Variants in FAM184B observed in about 807,000 individuals in gnomAD.
FAM184B encodes family with sequence similarity 184 member B, also known as protein FAM184B.
In FAM184B, 111 loss-of-function variants were observed where a neutral mutation model predicts 135.9. The ratio of observed to expected loss-of-function variants is 0.82; its 90% CI spans 0.70 to 0.96. FAM184B has a LOEUF of 0.96. FAM184B is among the 40% of genes least tolerant of loss of function. FAM184B has a pLI of 0.00. For synonymous variants in FAM184B, 552 were observed against 524.8 expected (o/e 1.05, Z -0.71); for missense variants, 1,375 against 1,323.9 (o/e 1.04, Z -0.60).
intron 1 of FAM184B, among the ~76,000 whole-genome samples, chr4:17,761,284 G>A (rs997504287): frequency 6.6e-6 from 1 of 152,016 alleles, no homozygotes; most frequent in Non-Finnish European, 1.5e-5. Flanking sequence ...CACAGGAAAG[G>A]CCATATGAGG....
Position 17,662,279 on chromosome 4 carries a change from G to C in FAM184B, c.1695-2192C>G, listed in dbSNP as rs370968313. On this transcript the variant is annotated intron_variant, in intron 8 of 17. Transcript: ENST00000265018. ...ACATTTGGATTGTTTACGCTTCTGGGCTATTATAAACAAAGCTGCTAGAAA... is the reference window on the plus strand; with the variant it reads ...ACATTTGGATTGTTTACGCTTCTGGCCTATTATAAACAAAGCTGCTAGAAA... Among the ~76,000 whole-genome samples, 14 of 152,126 alleles carry C rather than the reference G, an allele frequency of 9.2e-5. No homozygotes were observed. In the East Asian group the frequency reaches 1.5e-3, roughly 17 times the overall value.
At chr4:17,646,146 T>G (rs1715461565) in intron 12 of FAM184B, among the ~76,000 whole-genome samples, 1 of 152,198 alleles carries the variant, frequency 6.6e-6, no homozygotes, top group African/African-American at 2.4e-5. Flanking sequence ...GTAAACTGGT[T>G]CAACCATTGT....
In FAM184B at chr4:17,658,252, G is replaced by T. The variant is rs913018985; in HGVS notation, c.2037+98C>A. 4.8e-6 allele frequency: 5 copies of T among 1,038,112 alleles called. No individual in the cohort carries two copies. The African/African-American group carries it at 8.0e-5, about 17-fold the overall frequency. The allele number at this position is 1,038,112 out of a possible 1,614,324, so 64.3% of individuals were successfully genotyped here. A position where few individuals can be genotyped will look rare whatever the true frequency, so the allele number is the denominator to read the frequency against. On this transcript the variant is annotated intron_variant, in intron 10 of 17. Transcript: ENST00000265018. ...AATAACAATCTGGAAAGATGCTCGG[G>T]GGATTGGATGTCATGTAGAAAAGGG...
At chr4:17,691,187 C>G (rs769389494) in intron 6 of FAM184B, among the ~76,000 whole-genome samples, 1 of 152,112 alleles carries the variant, frequency 6.6e-6, no homozygotes, top group African/African-American at 2.4e-5. Context: ...GGGTTTGAAT[C>G]CCAGACCTGC....
chr4:17,762,052 C>T (rs1431384717), intron 1 of FAM184B, among the ~76,000 whole-genome samples: 2 of 146,638 alleles, frequency 1.4e-5, no homozygotes, highest in African/African-American at 5.5e-5. Context: ...TTGATATGTC[C>T]TTCTCTTCTC....
At chr4:17,646,726 T>C (rs1350793580) in intron 12 of FAM184B, among the ~76,000 whole-genome samples, 1 of 152,012 alleles carries the variant, frequency 6.6e-6, no homozygotes, top group Non-Finnish European at 1.5e-5. Flanking sequence ...ACTTAAAATA[T>C]AATAATAATA....
chr4:17,764,282 G>C (rs1414533099), intron 1 of FAM184B, among the ~76,000 whole-genome samples: 1 of 152,160 alleles, frequency 6.6e-6, no homozygotes, highest in Non-Finnish European at 1.5e-5. Context: ...TAAAACAGAA[G>C]GTTGTGTTTA....
chr4:17,646,720 A>G (rs1045758449), intron 12 of FAM184B, among the ~76,000 whole-genome samples: 3 of 151,114 alleles, frequency 2.0e-5, no homozygotes, highest in Non-Finnish European at 4.4e-5. Flanking sequence ...CCTAGAACTT[A>G]AAATATAATA....
chr4:17,691,830 AG>A (rs1212047336), intron 6 of FAM184B, among the ~76,000 whole-genome samples: 2 of 152,116 alleles, frequency 1.3e-5, no homozygotes, highest in Middle Eastern at 3.2e-3. Flanking sequence ...CAAGGCAGGC[AG>A]ATCACGAGGT....
At chr4:17,732,741 A>G (rs1450615333) in intron 1 of FAM184B, among the ~76,000 whole-genome samples, 4 of 152,160 alleles carry the variant, frequency 2.6e-5, no homozygotes, top group African/African-American at 4.8e-5. Context: ...ATTCACAGCC[A>G]AATTCTACCA....
At chr4:17,654,322 AATT>A (rs1011682839) in intron 10 of FAM184B, among the ~76,000 whole-genome samples, 1 of 151,930 alleles carries the variant, frequency 6.6e-6, no homozygotes, top group African/African-American at 2.4e-5. Flanking sequence ...AAGATATGGA[AATT>A]ATTATCCCCT....
chr4:17,739,480 A>T (rs1577284376), intron 1 of FAM184B, among the ~76,000 whole-genome samples: 1 of 150,872 alleles, frequency 6.6e-6, no homozygotes, highest in East Asian at 2.0e-4. Context: ...GAAGAGTTCT[A>T]AGCCAGGGCA....
At chr4:17,689,398 AC>A (rs1465676654) in intron 6 of FAM184B, among the ~76,000 whole-genome samples, 1 of 152,120 alleles carries the variant, frequency 6.6e-6, no homozygotes, top group Non-Finnish European at 1.5e-5. Flanking sequence ...TTTTCTAGAA[AC>A]CTTAATACTA....
chr4:17,729,217 C>T (rs921465300), intron 1 of FAM184B, among the ~76,000 whole-genome samples: 22 of 152,222 alleles, frequency 1.4e-4, no homozygotes, highest in African/African-American at 5.3e-4. Flanking sequence ...CCTGCCATTG[C>T]CCAGGCTTGA....
rs540878298 is a variant in FAM184B at position 17,732,993 on chromosome 4, C to G, written c.142-23349G>C. Among the ~76,000 whole-genome samples, 12 of 152,340 alleles carry G rather than the reference C, an allele frequency of 7.9e-5. No individual in the cohort carries two copies. The East Asian group carries it at 1.7e-3, about 22-fold the overall frequency. On this transcript the variant is annotated intron_variant, in intron 1 of 17. Transcript: ENST00000265018. The stretch of plus-strand genomic sequence containing the variant: ...CATCAAAAAGCTTATCCACCATGAT[C>G]AAGTGGGCTTCATTCCTGGGATGCA...
At chr4:17,721,406 A>AAAAAAAAAAAAAAAAGC (rs1560185395) in intron 1 of FAM184B, among the ~76,000 whole-genome samples, 1 of 143,300 alleles carries the variant, frequency 7.0e-6, no homozygotes, top group Non-Finnish European at 1.5e-5. Context: ...AAAAAAAAAA[A>AAAAAAAAAAAAAAAAGC]TCTCTTTGCC....
At chr4:17,721,502 G>A (rs1412984300) in intron 1 of FAM184B, among the ~76,000 whole-genome samples, 3 of 152,042 alleles carry the variant, frequency 2.0e-5, no homozygotes, top group Non-Finnish European at 4.4e-5. Context: ...ACAGGAAGGG[G>A]AAGAAAATAC....
chr4:17,632,807 T>TA, intron 17 of FAM184B, 182 bp from the exon 18 acceptor site: 1 of 518,088 alleles, frequency 1.9e-6, no homozygotes, highest in East Asian at 3.3e-5. Context: ...AGGGAGTACC[T>TA]AATCCTCATT....
intron 1 of FAM184B, among the ~76,000 whole-genome samples, chr4:17,766,937 C>G (rs867090445): frequency 6.6e-6 from 1 of 152,210 alleles, no homozygotes; most frequent in South Asian, 2.1e-4. Context: ...GGCAGCAGGT[C>G]CCGAGCCCTG....
Sources: gnomAD v4.1 joint callset for allele counts (sites outside exome capture counted in the v4.1 genomes callset) on GRCh38, gnomAD v4.1.1 for gene constraint, MANE v1.5 for transcripts, NCBI Gene and HGNC (gene_info 2026-07-23, HGNC 2026-07-21) for gene names.